The following NOX4 variants were observed in gnomAD, a reference collection of about 807,000 sequenced individuals.
NOX4 encodes kidney oxidase-1.
A neutral mutation model predicts 87.6 loss-of-function variants in NOX4; 69 were observed. The ratio of observed to expected loss-of-function variants is 0.79; its 90% CI spans 0.65 to 0.96. NOX4 has a LOEUF of 0.96. NOX4 is among the 40% of genes least tolerant of loss of function. NOX4 has a pLI of 0.00. For synonymous variants in NOX4, 275 were observed against 238.2 expected (o/e 1.15, Z -1.42); for missense variants, 680 against 681.5 (o/e 1.00, Z 0.02).
At chr11:89,366,444 G>A (rs537125424) in intron 12 of NOX4, among the ~76,000 whole-genome samples, 4 of 152,118 alleles carry the variant, frequency 2.6e-5, no homozygotes, top group Admixed American at 6.6e-5. Context: ...TTGGGAGGCC[G>A]AGGTGGGCTG....
At chr11:89,534,559 C>CA in the NOX4 span, among the ~76,000 whole-genome samples, 1 of 152,198 alleles carries the variant, frequency 6.6e-6, no homozygotes, top group African/African-American at 2.4e-5. Flanking sequence ...TATCACATCC[C>CA]ACTGGGCAAG....
upstream of NOX4, among the ~76,000 whole-genome samples, chr11:89,501,431 T>C (rs1947018399): frequency 6.6e-6 from 1 of 151,830 alleles, no homozygotes; most frequent in Admixed American, 6.6e-5. Flanking sequence ...GAAGGAAAGA[T>C]GAGCAGAGAA....
chr11:89,491,454 C>T, upstream of NOX4: 1 of 533,362 alleles, frequency 1.9e-6, no homozygotes, highest in Non-Finnish European at 3.3e-6. Context: ...CGCCCTGACT[C>T]CCACCCGCAC....
chr11:89,362,270 G>C (rs1938585651), intron 12 of NOX4, among the ~76,000 whole-genome samples: 1 of 151,950 alleles, frequency 6.6e-6, no homozygotes, highest in African/African-American at 2.4e-5. Flanking sequence ...CTTCTACCAA[G>C]TTCTCGGCTA....
chr11:89,577,143 A>AAGC, the NOX4 span: 3 of 152,106 alleles, frequency 2.0e-5, no homozygotes, highest in Non-Finnish European at 4.4e-5. Flanking sequence ...AAAAGAGCTC[A>AAGC]AGCAGCAGTG....
chr11:89,488,658 A>G (rs769093588), intron 2 of NOX4, among the ~76,000 whole-genome samples: 1 of 152,156 alleles, frequency 6.6e-6, no homozygotes, highest in Non-Finnish European at 1.5e-5. Flanking sequence ...TTAGATTTTT[A>G]TATTAATACA....
At position 89,325,897 on chromosome 11, in the gene NOX4, ATATAT is replaced by A. The variant is rs1263751682; in HGVS notation, c.*854_*858del. The A allele has an allele frequency of 7.4e-5, 10 of 135,034 alleles. No homozygotes were observed. The highest frequency in any genetic ancestry group is 5.1e-4 in the Admixed American group (7 of 13,690). 8.4% of individuals were successfully genotyped at this position (135,034 alleles called of 1,614,324 possible). The stretch of plus-strand genomic sequence containing the variant: ...TATTAGTATATGTGTATATATATAT[ATATAT>A]ATATATATGTGTGTGTGTGTGTATA... On this transcript the variant is annotated 3_prime_UTR_variant, in exon 18 of 18. Coordinates refer to ENST00000263317, the MANE Select transcript of NOX4 (RefSeq NM_016931.5).
intron 7 of NOX4, among the ~76,000 whole-genome samples, chr11:89,426,272 T>C (rs1394072085): frequency 3.9e-5 from 6 of 152,120 alleles, no homozygotes; most frequent in Non-Finnish European, 2.9e-5. Flanking sequence ...TAGGAACAGC[T>C]CCAGTCTACA....
chr11:89,496,982 T>C (rs1009053368), upstream of NOX4, among the ~76,000 whole-genome samples: 1 of 152,130 alleles, frequency 6.6e-6, no homozygotes, highest in Non-Finnish European at 1.5e-5. Flanking sequence ...TATTAAGTAG[T>C]AGATTTCCAA....
chr11:89,343,181 G>C (rs2096175224), intron 13 of NOX4, among the ~76,000 whole-genome samples: 1 of 152,140 alleles, frequency 6.6e-6, no homozygotes, highest in African/African-American at 2.4e-5. Flanking sequence ...TGGGATTCCA[G>C]ACAAATAACT....
chr11:89,484,354 G>T (rs1282480661), intron 2 of NOX4, among the ~76,000 whole-genome samples: 1 of 152,002 alleles, frequency 6.6e-6, no homozygotes, highest in Non-Finnish European at 1.5e-5. Flanking sequence ...CAATTTATTG[G>T]CAAGTCTCAA....
chr11:89,472,239 C>G (rs1174839484), intron 2 of NOX4, among the ~76,000 whole-genome samples: 2 of 152,024 alleles, frequency 1.3e-5, no homozygotes, highest in East Asian at 3.9e-4. Context: ...TACCTTAATG[C>G]CATAATAAAC....
the NOX4 span, among the ~76,000 whole-genome samples, chr11:89,564,808 T>C: frequency 6.6e-6 from 1 of 151,648 alleles, no homozygotes; most frequent in Non-Finnish European, 1.5e-5. Flanking sequence ...CATTCTTCCC[T>C]TTGTAGCAGT....
chr11:89,435,569 G>A (rs1424006251), intron 6 of NOX4, among the ~76,000 whole-genome samples: 1 of 152,004 alleles, frequency 6.6e-6, no homozygotes, highest in African/African-American at 2.4e-5. Flanking sequence ...TTAAATTCAA[G>A]AAACCTGATT....
At chr11:89,439,971 T>G (rs570743188) in intron 6 of NOX4, among the ~76,000 whole-genome samples, 6 of 152,268 alleles carry the variant, frequency 3.9e-5, no homozygotes, top group African/African-American at 1.2e-4. Flanking sequence ...AAGAACTCCA[T>G]GGATACCCAC....
the NOX4 span, among the ~76,000 whole-genome samples, chr11:89,548,990 G>A: frequency 6.6e-6 from 1 of 152,130 alleles, no homozygotes; most frequent in Admixed American, 6.6e-5. Context: ...TTCCATGTAA[G>A]CACCATATAT....
chr11:89,512,634 G>A, the NOX4 span, among the ~76,000 whole-genome samples: 1 of 152,034 alleles, frequency 6.6e-6, no homozygotes. Flanking sequence ...ATATTACATT[G>A]TATGTATTTA....
chr11:89,464,207 C>T (rs1487435842), intron 2 of NOX4, among the ~76,000 whole-genome samples: 2 of 151,992 alleles, frequency 1.3e-5, no homozygotes, highest in African/African-American at 4.8e-5. Flanking sequence ...TAATTTAATT[C>T]AAAGTGGATT....
chr11:89,577,955 T>C, the NOX4 span, among the ~76,000 whole-genome samples: 1 of 152,146 alleles, frequency 6.6e-6, no homozygotes, highest in Non-Finnish European at 1.5e-5. Context: ...AAATTATATA[T>C]TAATGCACAT....
Sources: gnomAD v4.1 joint callset for allele counts (sites outside exome capture counted in the v4.1 genomes callset) on GRCh38, gnomAD v4.1.1 for gene constraint, MANE v1.5 for transcripts, NCBI Gene and HGNC (gene_info 2026-07-23, HGNC 2026-07-21) for gene names.